TOP3B: variants seen among roughly 807,000 people sequenced by gnomAD.
TOP3B encodes DNA topoisomerase III beta.
TOP3B carries 45 observed loss-of-function variants against 93.9 expected under a neutral mutation model. The ratio of observed to expected loss-of-function variants is 0.48; its 90% CI spans 0.38 to 0.61. TOP3B has a LOEUF of 0.61. Among genes scored for constraint, TOP3B ranks in the 20% least tolerant of loss-of-function variants. TOP3B has a pLI of 0.00. For synonymous variants in TOP3B, 357 were observed against 472.6 expected (o/e 0.76, Z 3.17); for missense variants, 750 against 1,156.1 (o/e 0.65, Z 5.09).
chr22:21,969,596 GTC>G (rs2071550464), intron 6 of TOP3B: 1 of 151,920 alleles, frequency 6.6e-6, no homozygotes, highest in South Asian at 2.1e-4. Flanking sequence ...GTAAGACTCT[GTC>G]TCAAAAAACA....
In TOP3B at chr22:21,959,681, C is replaced by T. The variant is rs750831404; in HGVS notation, c.1710G>A (p.Leu570=). ...IRSAVEKQLN[L]IAQGKADYRQ... is the part of the protein sequence containing the mutation. ...GGTAGTCGGCCTTGCCCTGGGCGAT[C>T]AGGTTCAGCTGCTTCTCCACTGCAC... is the stretch of plus-strand genomic sequence containing the variant. The change falls in exon 15 of 18, where the codon CTG becomes CTA. Residue 570 remains leucine, a synonymous_variant. Transcript: ENST00000357179. 5.1e-5 allele frequency: 82 copies of T among 1,613,576 alleles called. No homozygotes were observed. Among genetic ancestry groups the T allele is most frequent in the Non-Finnish European group, 6.7e-5 (79 of 1,179,964 alleles).
chr22:21,964,352 G>A (rs760189160), intron 9 of TOP3B, 37 bp from the exon 10 acceptor site: 13 of 1,608,732 alleles, frequency 8.1e-6, no homozygotes, highest in South Asian at 6.6e-5. Context: ...GGCCAGGTAC[G>A]TGGGGATGGC....
Position 21,964,025 on chromosome 22 carries a change from T to C in TOP3B, c.1102A>G (p.Lys368Glu), listed in dbSNP as rs553263730. The C allele has an allele frequency of 2.5e-6, 4 of 1,606,878 alleles. No homozygotes were observed. In the East Asian group the frequency reaches 8.9e-5, roughly 36 times the overall value. ...TTGATACCTTCTGCTAACAACCGCTTCACCTGAGGGAGAGAAGACAGAGCA... is the reference window on the plus strand; with the variant it reads ...TTGATACCTTCTGCTAACAACCGCTCCACCTGAGGGAGAGAAGACAGAGCA... ...ANHPYWADTVKRLLAEGINRP... is the reference protein window; with the variant it reads ...ANHPYWADTVERLLAEGINRP... The change falls in exon 11 of 18, where the codon AAG becomes GAG. Residue 368 changes from lysine to glutamate, a missense_variant. Around this residue, in one of 4 missense-constraint regions of TOP3B, gnomAD observed 737 missense variants for 933.7 expected, o/e 0.79. Transcript: ENST00000357179.
At chr22:21,962,232 G>C in intron 13 of TOP3B, 197 bp downstream of exon 13, 1 of 1,525,502 alleles carries the variant, frequency 6.6e-7, no homozygotes, top group African/African-American at 1.4e-5. Flanking sequence ...GCCAGGTCCT[G>C]AATGGAGGCC....
At chr22:21,962,707 A>G (rs760523850) in intron 12 of TOP3B, 40 bp downstream of exon 12, 7 of 1,612,170 alleles carry the variant, frequency 4.3e-6, no homozygotes, top group Admixed American at 3.3e-5. Context: ...TTGTCTGCCC[A>G]TGAAGGCACA....
chr22:21,981,702 C>T (rs1009544161), intron 1 of TOP3B, among the ~76,000 whole-genome samples: 4 of 152,060 alleles, frequency 2.6e-5, no homozygotes, highest in African/African-American at 9.7e-5. Flanking sequence ...GAGGCTGAGG[C>T]AGGAGAATCA....
intron 8 of TOP3B, 77 bp downstream of exon 8, chr22:21,967,526 T>C (rs2052417476): frequency 1.2e-5 from 13 of 1,091,466 alleles, no homozygotes; most frequent in Non-Finnish European, 1.8e-5. Context: ...GATCACAGGC[T>C]GTTCCTCCAG....
rs1192100584 is a variant in TOP3B at position 21,964,190 on chromosome 22, G to A, written c.1069C>T (p.Gln357Ter). The A allele has an allele frequency of 1.2e-6, 2 of 1,614,042 alleles. No homozygotes were observed. Among genetic ancestry groups the A allele is most frequent in the South Asian group, 2.2e-5 (2 of 91,088 alleles). ...TCGGCCCAGTAGGGGTGGTTGGCCT[G>A]CTGCCGCAGAGAGCCCTTCAGGTCA... is the stretch of plus-strand genomic sequence containing the variant. ...NFDLKGSLRQ[Q>*]ANHPYWADTV... Residue 357 changes from glutamine to a stop codon, truncating the protein, a stop_gained, in exon 10 of 18, where the codon CAG becomes TAG. Coordinates refer to ENST00000357179, the MANE Select transcript of TOP3B (RefSeq NM_001282112.2). LOFTEE classifies it high-confidence loss of function.
intron 7 of TOP3B, 155 bp downstream of exon 7, chr22:21,968,464 T>C: frequency 1.2e-6 from 1 of 834,492 alleles, no homozygotes; most frequent in Non-Finnish European, 1.8e-6. Flanking sequence ...AAGGCTGGGG[T>C]CCCTCAGCCC....
chr22:21,975,302 G>A, intron 2 of TOP3B: 1 of 217,884 alleles, frequency 4.6e-6, no homozygotes, highest in Non-Finnish European at 9.3e-6. Flanking sequence ...AGCCTCATCA[G>A]ACCTTGACTG....
In TOP3B at chr22:21,959,739, G is replaced by A; in HGVS notation, c.1655-3C>T. Reference sequence around the variant, plus strand: ...GGTGGGGAGCACCAGCTCTGCATCTGCAAGTGGGCAGGGGGCAGATATTGC... The same window carrying A: ...GGTGGGGAGCACCAGCTCTGCATCTACAAGTGGGCAGGGGGCAGATATTGC... On this transcript the variant is annotated splice_region_variant and splice_polypyrimidine_tract_variant and intron_variant, in intron 14 of 17. Coordinates refer to ENST00000357179, the MANE Select transcript of TOP3B (RefSeq NM_001282112.2). 1.2e-6 allele frequency: 2 copies of A among 1,611,958 alleles called. No individual in the cohort carries two copies. The highest frequency in any genetic ancestry group is 2.2e-5 in the East Asian group (1 of 44,874).
At chr22:21,972,271 A>G in intron 4 of TOP3B, 1 of 454,222 alleles carries the variant, frequency 2.2e-6, no homozygotes. Context: ...TAATATGATT[A>G]TGCATAATTT....
chr22:21,972,603 C>A lies in TOP3B; in HGVS notation c.309+9G>T. The A allele has an allele frequency of 6.2e-7, 1 of 1,601,334 alleles. No individual in the cohort carries two copies. The highest frequency in any genetic ancestry group is 1.1e-5 in the South Asian group (1 of 90,032). On this transcript the variant is annotated intron_variant, in intron 4 of 17. Coordinates refer to ENST00000357179, the MANE Select transcript of TOP3B (RefSeq NM_001282112.2). ...CCGGTGTGCTCATGCCCAGGCCAGC[C>A]CCACGCACCTGCAGGAACTTCACCA...
At chr22:21,960,550 T>G in intron 13 of TOP3B, 101 bp from the exon 14 acceptor site, 7 of 1,507,068 alleles carry the variant, frequency 4.6e-6, no homozygotes, top group Admixed American at 1.8e-5. Flanking sequence ...GCTCAGGCCC[T>G]CTCACTGCTC....
intron 3 of TOP3B, chr22:21,973,220 C>T (rs2145870709): frequency 5.4e-6 from 1 of 184,342 alleles, no homozygotes; most frequent in East Asian, 1.8e-4. Context: ...CATTCACCTA[C>T]TCATCTACAG....
Position 21,959,209 on chromosome 22 carries a change from A to G in TOP3B, c.1828T>C (p.Ser610Pro). 1 of 1,613,280 alleles carries G rather than the reference A, an allele frequency of 6.2e-7. No individual in the cohort carries two copies. Among genetic ancestry groups the G allele is most frequent in the Non-Finnish European group, 8.5e-7 (1 of 1,179,982 alleles). ...CCTGTGGCCGCCAGGGGCGAGAAAG[A>G]CACCTCCATCAACTCATCCATGCCT... ...IAGMDELMEV[S>P]FSPLAATGKP... Residue 610 changes from serine (S) to proline (P), a missense_variant, in exon 16 of 18, where the codon TCT becomes CCT. By Grantham distance (74) the Ser-to-Pro change is moderately conservative. Transcript: ENST00000357179.
At chr22:21,969,105 T>C (rs1437752129) in intron 6 of TOP3B, 2 of 219,222 alleles carry the variant, frequency 9.1e-6, no homozygotes. Flanking sequence ...ATATGTGATC[T>C]CTGTCAGCTA....
chr22:21,958,816 G>A, intron 16 of TOP3B, 123 bp from the exon 17 acceptor site: 1 of 1,410,172 alleles, frequency 7.1e-7, no homozygotes, highest in Non-Finnish European at 9.3e-7. Context: ...ACACTGCCAG[G>A]CAAGGAGCAT....
At position 21,957,397 on chromosome 22, in the gene TOP3B, T is replaced by TCGG; in HGVS notation, c.2303_2305dup (p.Ala768dup). ...GGCGGCCTCACAGACACTGCAGGTG[T>TCGG]CGGCGGACACCCGCACGCGGTGGGC... On this transcript the variant is annotated inframe_insertion, in exon 18 of 18. Coordinates refer to ENST00000357179, the MANE Select transcript of TOP3B (RefSeq NM_001282112.2). The TCGG allele has an allele frequency of 2.7e-6, 4 of 1,490,248 alleles. No individual in the cohort carries two copies. Among genetic ancestry groups the TCGG allele is most frequent in the Non-Finnish European group, 3.7e-6 (4 of 1,080,996 alleles). 92.3% of individuals were successfully genotyped at this position (1,490,248 alleles called of 1,614,324 possible).
Sources: allele counts gnomAD v4.1 joint callset (sites outside exome capture counted in the v4.1 genomes callset), GRCh38; gene constraint gnomAD v4.1.1; regional missense constraint gnomAD v4.1.1; transcripts MANE v1.5; gene names NCBI Gene and HGNC (gene_info 2026-07-23, HGNC 2026-07-21).